BCAS3: variants seen among roughly 807,000 people sequenced by gnomAD.
BCAS3 encodes BCAS3 microtubule associated cell migration factor, also known as BCAS4/BCAS3 fusion.
A neutral mutation model predicts 116.1 loss-of-function variants in BCAS3; 53 were observed. That is an observed-to-expected ratio of 0.46 (90% CI 0.37 to 0.57). BCAS3 has a LOEUF of 0.57. BCAS3 is among the 20% of genes least tolerant of loss of function. The pLI is 0.00. For synonymous variants in BCAS3, 391 were observed against 408.2 expected, an observed-to-expected ratio of 0.96 and a Z score of 0.51; for missense variants, 917 against 1,165.4, an observed-to-expected ratio of 0.79 and a Z score of 3.10.
In BCAS3 at chr17:61,186,097, GC is replaced by G. The variant is rs1428037860; in HGVS notation, c.2425+101534del. On this transcript the variant is annotated intron_variant, in intron 22 of 23. Transcript: ENST00000407086. The surrounding 1 kb of genome is among the most constrained non-coding windows in gnomAD (Gnocchi z 4.9). The stretch of plus-strand genomic sequence containing the variant: ...TTATTTTTTTGCCTAATAGCCAATT[GC>G]TTTGAAAAATGTAGTCCATCTTCTC... Among the ~76,000 whole-genome samples the G allele has an allele frequency of 2.6e-5, 4 of 152,098 alleles. No individual in the cohort carries two copies. The highest frequency in any genetic ancestry group is 4.4e-5 in the Non-Finnish European group (3 of 67,990).
rs199771097 is a variant in BCAS3 at position 61,046,965 on chromosome 17, T to G, written c.2029+6073T>G. Among the ~76,000 whole-genome samples the G allele has an allele frequency of 3.3e-5, 5 of 151,934 alleles. No individual in the cohort carries two copies. In the East Asian group the frequency reaches 7.7e-4, roughly 23 times the overall value. On this transcript the variant is annotated intron_variant, in intron 19 of 23. Transcript: ENST00000407086. ...AATCTCCACTCCCCTTCCAGCCCAG[T>G]AATCATAATAAATACACTGCTAGTT...
At chr17:60,694,753 T>C (rs187005077) in intron 4 of BCAS3, among the ~76,000 whole-genome samples, 14 of 151,848 alleles carry the variant, frequency 9.2e-5, no homozygotes, top group Non-Finnish European at 1.8e-4. Flanking sequence ...TGGGATTGCA[T>C]GTGTGGGCAA....
intron 7 of BCAS3, among the ~76,000 whole-genome samples, chr17:60,848,224 G>A (rs2052702651): frequency 6.6e-6 from 1 of 152,156 alleles, no homozygotes; most frequent in African/African-American, 2.4e-5. Flanking sequence ...GTTTAAAAAT[G>A]TGAGTCCTCC....
At chr17:60,684,696 C>T (rs922521166) in intron 3 of BCAS3, among the ~76,000 whole-genome samples, 2 of 152,072 alleles carry the variant, frequency 1.3e-5, no homozygotes, top group Non-Finnish European at 2.9e-5. Context: ...GTAAGAATCT[C>T]AGGTGATTCT....
In BCAS3 at chr17:60,910,704, TAAG is replaced by T. The variant is rs753338286; in HGVS notation, c.993+8_993+10del. 5.0e-6 allele frequency: 8 copies of T among 1,600,716 alleles called. No individual in the cohort carries two copies. The highest frequency in any genetic ancestry group is 1.4e-5 in the African/African-American group (1 of 74,062). On this transcript the variant is annotated splice_donor_5th_base_variant and intron_variant, in intron 12 of 23. Transcript: ENST00000407086. Reference sequence around the variant, plus strand: ...ACCGAAACCGTTGGAGAGGGCCAGGTAAGAAGAACTTTTGGTGCGTACCATGTG... The same window carrying T: ...ACCGAAACCGTTGGAGAGGGCCAGGTAAGAACTTTTGGTGCGTACCATGTG...
chr17:60,798,058 C>CA (rs1568273965), intron 6 of BCAS3, among the ~76,000 whole-genome samples: 1 of 152,096 alleles, frequency 6.6e-6, no homozygotes, highest in Non-Finnish European at 1.5e-5. Flanking sequence ...CAAAAACACA[C>CA]AGAGTTTCTG....
intron 22 of BCAS3, among the ~76,000 whole-genome samples, chr17:61,342,406 A>G (rs538028847): frequency 6.6e-6 from 1 of 152,294 alleles, no homozygotes; most frequent in African/African-American, 2.4e-5. Flanking sequence ...TCAGCCTCCC[A>G]AAGTGCTGGG....
At position 61,188,160 on chromosome 17, in the gene BCAS3, C is replaced by A. The variant is rs954937462; in HGVS notation, c.2425+103596C>A. Among the ~76,000 whole-genome samples, 2 of 152,192 alleles carry A rather than the reference C, an allele frequency of 1.3e-5. No homozygotes were observed. The highest frequency in any genetic ancestry group is 4.8e-5 in the African/African-American group (2 of 41,456). On this transcript the variant is annotated intron_variant, in intron 22 of 23. Coordinates refer to ENST00000407086, the MANE Select transcript of BCAS3 (RefSeq NM_017679.5). The surrounding 1 kb of genome is among the most constrained non-coding windows in gnomAD (Gnocchi z 4.0). ...TAGGATTTCAGGGATGTCTTCACCC[C>A]TAAAACAATCTCTCCTTGCTATTCT...
chr17:61,372,255 G>A (rs937079146), intron 23 of BCAS3, among the ~76,000 whole-genome samples: 14 of 152,106 alleles, frequency 9.2e-5, no homozygotes, highest in Admixed American at 5.9e-4. Context: ...AGTGCCTAGC[G>A]CAGTGTCTGC....
At position 61,315,667 on chromosome 17, in the gene BCAS3, G is replaced by T. The variant is rs1187800752; in HGVS notation, c.2426-52660G>T. ...GCCTCACCCATCGATGCTTCCCCATGTGGGTCCTGGAATGTGACCAGGCTG... is the reference window on the plus strand; with the variant it reads ...GCCTCACCCATCGATGCTTCCCCATTTGGGTCCTGGAATGTGACCAGGCTG... On this transcript the variant is annotated intron_variant, in intron 22 of 23. Coordinates refer to ENST00000407086, the MANE Select transcript of BCAS3 (RefSeq NM_017679.5). The surrounding 1 kb of genome is among the most constrained non-coding windows in gnomAD (Gnocchi z 5.3). 6.6e-6 allele frequency among the ~76,000 whole-genome samples: 1 copy of T among 152,140 alleles called. No homozygotes were observed. The highest frequency in any genetic ancestry group is 1.5e-5 in the Non-Finnish European group (1 of 68,034).
rs1011040027 is a variant in BCAS3 at position 60,726,851 on chromosome 17, C to T, written c.321+17526C>T. On this transcript the variant is annotated intron_variant, in intron 5 of 23. Coordinates refer to ENST00000407086, the MANE Select transcript of BCAS3 (RefSeq NM_017679.5). ...ACACTTGTGCTGCCTAGTAAAATTT[C>T]GTAGAATATGAAAAAAAATTGTTAT... Among the ~76,000 whole-genome samples, 5 of 151,770 alleles carry T rather than the reference C, an allele frequency of 3.3e-5. No individual in the cohort carries two copies. In the South Asian group the frequency reaches 6.2e-4, roughly 19 times the overall value.
intron 3 of BCAS3, among the ~76,000 whole-genome samples, 190 bp downstream of exon 3, chr17:60,684,226 ATAT>A (rs1386288727): frequency 6.6e-6 from 1 of 152,192 alleles, no homozygotes; most frequent in Non-Finnish European, 1.5e-5. Context: ...AGTGGCATAA[ATAT>A]TATTCCTTAG....
intron 7 of BCAS3, among the ~76,000 whole-genome samples, chr17:60,814,673 C>T (rs569860924): frequency 5.3e-5 from 8 of 152,150 alleles, no homozygotes; most frequent in South Asian, 2.1e-4. Flanking sequence ...TATTTTAGTA[C>T]GTTTGACGTA....
intron 22 of BCAS3, among the ~76,000 whole-genome samples, chr17:61,254,777 G>GAAAAAGAAAAAAA (rs2048651104): frequency 2.7e-5 from 2 of 73,528 alleles, no homozygotes; most frequent in Non-Finnish European, 4.4e-5. Context: ...CTCCGTCTCA[G>GAAAAAGAAAAAAA]AAAAAAAAAA....
rs151035589 is a variant in BCAS3 at position 60,868,730 on chromosome 17, C to T, written c.584+47C>T. 1.4e-4 allele frequency: 167 copies of T among 1,207,628 alleles called. No individual in the cohort carries two copies. The African/African-American group carries it at 2.2e-3, about 16-fold the overall frequency. The allele number at this position is 1,207,628 out of a possible 1,614,324, so 74.8% of individuals were successfully genotyped here. On this transcript the variant is annotated intron_variant, in intron 8 of 23. Coordinates refer to ENST00000407086, the MANE Select transcript of BCAS3 (RefSeq NM_017679.5). ...TCTTGTGTAAAATAAGAAACATGCT[C>T]TCCTGGGCATGGAGAACTCTACCAG... is the stretch of plus-strand genomic sequence containing the variant.
chr17:61,294,242 A>C (rs1325612646), intron 22 of BCAS3, among the ~76,000 whole-genome samples: 1 of 151,164 alleles, frequency 6.6e-6, no homozygotes, highest in East Asian at 1.9e-4. Flanking sequence ...AAAGCCTTGC[A>C]ATATAATATC....
At chr17:61,342,149 A>G (rs2057207969) in intron 22 of BCAS3, among the ~76,000 whole-genome samples, 1 of 152,152 alleles carries the variant, frequency 6.6e-6, no homozygotes, top group South Asian at 2.1e-4. Context: ...GACTACAGGC[A>G]TGCACCACCA....
At chr17:60,972,444 C>CTTTTTT (rs150860541) in intron 14 of BCAS3, among the ~76,000 whole-genome samples, 2 of 114,124 alleles carry the variant, frequency 1.8e-5, no homozygotes, top group African/African-American at 7.7e-5. Flanking sequence ...CTCACTTGGC[C>CTTTTTT]TTTTTTTTTT....
rs2068815712 is a variant in BCAS3, at chr17:61,051,086, A to G, written c.2029+10194A>G. On this transcript the variant is annotated intron_variant, in intron 19 of 23. Coordinates refer to ENST00000407086, the MANE Select transcript of BCAS3 (RefSeq NM_017679.5). The surrounding 1 kb of genome is among the most constrained non-coding windows in gnomAD (Gnocchi z 4.1). ...TTATTTTTGACTGAATGAGATTGAAATCAGATATACCCATATCTTTGACAA... is the reference window on the plus strand; with the variant it reads ...TTATTTTTGACTGAATGAGATTGAAGTCAGATATACCCATATCTTTGACAA... Among the ~76,000 whole-genome samples, 1 of 152,074 alleles carries G rather than the reference A, an allele frequency of 6.6e-6. No individual in the cohort carries two copies. Among genetic ancestry groups the G allele is most frequent in the South Asian group, 2.1e-4 (1 of 4,818 alleles).
Sources: allele counts gnomAD v4.1 joint callset (sites outside exome capture counted in the v4.1 genomes callset), GRCh38; gene constraint gnomAD v4.1.1; non-coding constraint Gnocchi (gnomAD v3.1); transcripts MANE v1.5; gene names NCBI Gene and HGNC (gene_info 2026-07-23, HGNC 2026-07-21).